Variants in XPOT observed in about 807,000 individuals in gnomAD.
XPOT encodes the protein exportin-T.
XPOT carries 34 observed loss-of-function variants against 128.2 expected under a neutral mutation model. The observed-to-expected ratio is 0.27, with a 90% confidence interval of 0.20 to 0.35. XPOT has a LOEUF of 0.35. XPOT is among the 10% of genes least tolerant of loss of function. The pLI is 1.00. For synonymous variants in XPOT, 348 were observed against 394.3 expected (o/e 0.88, Z 1.39); for missense variants, 838 against 1,125.3 (o/e 0.74, Z 3.65).
At chr12:64,427,389 G>T in intron 15 of XPOT, among the ~76,000 whole-genome samples, 1 of 152,036 alleles carries the variant, frequency 6.6e-6, no homozygotes, top group Non-Finnish European at 1.5e-5. Flanking sequence ...CCAAAGTGCT[G>T]GTATTACAGG....
At chr12:64,441,051 C>T (rs775153647) in intron 23 of XPOT, among the ~76,000 whole-genome samples, 14 of 152,102 alleles carry the variant, frequency 9.2e-5, no homozygotes, top group Admixed American at 2.6e-4. Context: ...ATGTTTTCTT[C>T]TAGTTTTGCA....
intron 2 of XPOT, among the ~76,000 whole-genome samples, chr12:64,412,204 T>A (rs2040044618): frequency 6.6e-6 from 1 of 151,940 alleles, no homozygotes; most frequent in African/African-American, 2.4e-5. Context: ...TTTCTGTATG[T>A]TTGGTGGAGA....
At chr12:64,429,937 G>C in intron 16 of XPOT, 112 bp from the exon 17 acceptor site, 1 of 971,288 alleles carries the variant, frequency 1.0e-6, no homozygotes. Context: ...ATAAGTATTT[G>C]ACATATGAGT....
chr12:64,425,546 T>C (rs1464232379), intron 14 of XPOT, 89 bp downstream of exon 14: 5 of 1,507,644 alleles, frequency 3.3e-6, no homozygotes, highest in Non-Finnish European at 3.6e-6. Context: ...ATAACTTTTC[T>C]CAGAATCAAA....
chr12:64,431,159 G>T (rs2040236056), intron 17 of XPOT, among the ~76,000 whole-genome samples: 1 of 152,072 alleles, frequency 6.6e-6, no homozygotes, highest in Non-Finnish European at 1.5e-5. Flanking sequence ...GTCCAGACTG[G>T]TCTTGAACTC....
At chr12:64,446,735 A>G (rs1163748524) in intron 24 of XPOT, among the ~76,000 whole-genome samples, 2 of 151,800 alleles carry the variant, frequency 1.3e-5, no homozygotes, top group Non-Finnish European at 2.9e-5. Context: ...TAGCAGCCCA[A>G]CTTCTGTATG....
chr12:64,411,960 T>A (rs182730079), intron 2 of XPOT, among the ~76,000 whole-genome samples: 8 of 152,060 alleles, frequency 5.3e-5, no homozygotes, highest in Non-Finnish European at 1.2e-4. Flanking sequence ...ATACAAAGGC[T>A]TTGTTTAAAA....
rs73313861 is a variant in XPOT, at chr12:64,446,465, C to G, written c.2862+1334C>G. 2.4e-3 allele frequency among the ~76,000 whole-genome samples: 366 copies of G among 152,290 alleles called. 1 individual carries two copies. The highest frequency in any genetic ancestry group is 8.5e-3 in the African/African-American group (355 of 41,566). On this transcript the variant is annotated intron_variant, in intron 24 of 24. Coordinates refer to ENST00000332707, the MANE Select transcript of XPOT (RefSeq NM_007235.6). ...TCCTCATCTTCTCTCTCTTCTGTCT[C>G]TGCTGCTCTGGTGTAGGCTGATGTT...
At chr12:64,434,484 A>G in intron 19 of XPOT, 23 bp from the exon 20 acceptor site, 1 of 1,571,578 alleles carries the variant, frequency 6.4e-7, no homozygotes, top group African/African-American at 1.3e-5. Flanking sequence ...GAAATTGCTT[A>G]AACTAAAGGT....
chr12:64,438,244 A>C (rs1006176368), intron 22 of XPOT, among the ~76,000 whole-genome samples: 1 of 152,180 alleles, frequency 6.6e-6, no homozygotes, highest in Non-Finnish European at 1.5e-5. Context: ...AGAAAACAAA[A>C]AAAAGTTTTG....
intron 17 of XPOT, 73 bp from the exon 18 acceptor site, chr12:64,431,465 A>G: frequency 1.4e-6 from 2 of 1,463,348 alleles, no homozygotes; most frequent in Non-Finnish European, 1.9e-6. Flanking sequence ...TTTGTTGTGC[A>G]TTGCTTTTGA....
chr12:64,420,055 C>T lies in XPOT; in HGVS notation c.490-15C>T, dbSNP rs376399736. 1.3e-5 allele frequency: 20 copies of T among 1,541,204 alleles called. No homozygotes were observed. The highest frequency in any genetic ancestry group is 4.5e-5 in the Admixed American group (2 of 44,170). ...GTAAGGTAATCTACTTTGCATTTGG[C>T]GTTTTGTATTTTAGGAGGCTCGTAG... On this transcript the variant is annotated splice_polypyrimidine_tract_variant and intron_variant, in intron 6 of 24. Coordinates refer to ENST00000332707, the MANE Select transcript of XPOT (RefSeq NM_007235.6).
chr12:64,420,652 C>G (rs2040130001), intron 8 of XPOT, 131 bp downstream of exon 8: 1 of 697,858 alleles, frequency 1.4e-6, no homozygotes, highest in African/African-American at 1.8e-5. Flanking sequence ...TAATATAAAC[C>G]ACTGCATCTA....
Position 64,448,256 on chromosome 12 carries a change from T to C in XPOT, c.*125T>C. 1 of 997,136 alleles carries C rather than the reference T, an allele frequency of 1.0e-6. No homozygotes were observed. The highest frequency in any genetic ancestry group is 1.6e-6 in the Non-Finnish European group (1 of 642,948). The allele number at this position is 997,136 out of a possible 1,614,324, so 61.8% of individuals were successfully genotyped here. The stretch of plus-strand genomic sequence containing the variant: ...TTTTGAGCTTATTGCAGTATATGTT[T>C]TGGGATTTTTCTGTAAAATGGGTGT... On this transcript the variant is annotated 3_prime_UTR_variant, in exon 25 of 25. Coordinates refer to ENST00000332707, the MANE Select transcript of XPOT (RefSeq NM_007235.6).
In XPOT at chr12:64,418,811, CA is replaced by C. The variant is rs2040111295; in HGVS notation, c.271-63del. The C allele has an allele frequency of 2.7e-6, 4 of 1,481,472 alleles. No homozygotes were observed. In the South Asian group the frequency reaches 4.8e-5, roughly 18 times the overall value. The allele number at this position is 1,481,472 out of a possible 1,614,324, so 91.8% of individuals were successfully genotyped here. A position where few individuals can be genotyped will look rare whatever the true frequency, so the allele number is the denominator to read the frequency against. On this transcript the variant is annotated intron_variant, in intron 5 of 24. Coordinates refer to ENST00000332707, the MANE Select transcript of XPOT (RefSeq NM_007235.6). ...GATGAAACTTTGCCTTTTAATAAGA[CA>C]ACTGGTGTTTCTGGGTCTTTTCAAT...
chr12:64,441,116 A>T lies in XPOT; in HGVS notation c.2805+1801A>T, dbSNP rs552940519. On this transcript the variant is annotated intron_variant, in intron 23 of 24. Coordinates refer to ENST00000332707, the MANE Select transcript of XPOT (RefSeq NM_007235.6). The stretch of plus-strand genomic sequence containing the variant: ...TACATTGAGTTGATTTTTGTGTAAG[A>T]TAAGGGTCTCGTTTTCTTTTGCACG... 5.9e-5 allele frequency among the ~76,000 whole-genome samples: 9 copies of T among 152,306 alleles called. No individual in the cohort carries two copies. In the East Asian group the frequency reaches 1.5e-3, roughly 26 times the overall value.
chr12:64,434,324 T>C (rs1344915600), intron 19 of XPOT, among the ~76,000 whole-genome samples, 183 bp from the exon 20 acceptor site: 1 of 152,240 alleles, frequency 6.6e-6, no homozygotes, highest in Non-Finnish European at 1.5e-5. Context: ...GTTTAAACTT[T>C]AGGTGCCCAG....
At chr12:64,422,902 CAAAAAA>C in intron 9 of XPOT, 97 bp from the exon 10 acceptor site, 5 of 869,506 alleles carry the variant, frequency 5.8e-6, no homozygotes, top group South Asian at 3.7e-5. Flanking sequence ...GACCTTGTCT[CAAAAAA>C]AAAAAAAAAA....
intron 11 of XPOT, 83 bp downstream of exon 11, chr12:64,423,327 G>A (rs1316768730): frequency 1.1e-5 from 11 of 959,742 alleles, no homozygotes; most frequent in African/African-American, 6.8e-5. Flanking sequence ...TTATTGTTTC[G>A]GGGCCCTTTA....
Sources: gnomAD v4.1 joint callset for allele counts (sites outside exome capture counted in the v4.1 genomes callset) on GRCh38, gnomAD v4.1.1 for gene constraint, MANE v1.5 for transcripts, NCBI Gene and HGNC (gene_info 2026-07-23, HGNC 2026-07-21) for gene names.